FNDC3B: variants seen among roughly 807,000 people sequenced by gnomAD.
FNDC3B encodes the protein fibronectin type III domain-containing protein 3B.
FNDC3B carries 12 observed loss-of-function variants against 151.5 expected under a neutral mutation model. The ratio of observed to expected loss-of-function variants is 0.08; its 90% CI spans 0.05 to 0.13. The LOEUF is 0.13. Ranked by LOEUF, FNDC3B falls within the 10% of genes least tolerant of loss-of-function variation. The pLI is 1.00. For missense variants in FNDC3B, 1,214 were observed against 1,505.3 expected, an observed-to-expected ratio of 0.81 and a Z score of 3.20; for synonymous variants, 528 against 549.0, an observed-to-expected ratio of 0.96 and a Z score of 0.54.
intron 14 of FNDC3B, among the ~76,000 whole-genome samples, chr3:172,334,561 G>C (rs935795709): frequency 2.0e-5 from 3 of 152,120 alleles, no homozygotes; most frequent in South Asian, 2.1e-4. Flanking sequence ...TCCTGCCTCA[G>C]CCTCCCGAGT....
chr3:172,242,330 A>T (rs1727539962), intron 4 of FNDC3B, among the ~76,000 whole-genome samples: 1 of 152,138 alleles, frequency 6.6e-6, no homozygotes, highest in Non-Finnish European at 1.5e-5. Flanking sequence ...GGGACTTTGT[A>T]TGGTGGCTCT....
chr3:172,121,733 G>T (rs1055070811), intron 2 of FNDC3B, among the ~76,000 whole-genome samples: 2 of 152,114 alleles, frequency 1.3e-5, no homozygotes, highest in African/African-American at 4.8e-5. Context: ...ATTTATGTAT[G>T]TATGTATGTA....
rs577736880 is a variant in FNDC3B, at chr3:172,218,750, T to TG, written c.188-8119dup. Among the ~76,000 whole-genome samples the TG allele has an allele frequency of 5.1e-4, 77 of 152,312 alleles. No individual in the cohort carries two copies. In the East Asian group the frequency reaches 9.6e-3, roughly 19 times the overall value. ...GCCCCAAGGTCATGCTAGAATGTGATGGAGTCCAGGTGCAAACTCAAGCCT... is the reference window on the plus strand; with the variant it reads ...GCCCCAAGGTCATGCTAGAATGTGATGGGAGTCCAGGTGCAAACTCAAGCCT... On this transcript the variant is annotated intron_variant, in intron 3 of 25. Transcript: ENST00000415807.
intron 4 of FNDC3B, among the ~76,000 whole-genome samples, chr3:172,239,075 T>G (rs1232099937): frequency 6.6e-6 from 1 of 152,074 alleles, no homozygotes; most frequent in Non-Finnish European, 1.5e-5. Flanking sequence ...TTATTTTGGC[T>G]TGCTTTCTTA....
chr3:172,165,067 G>GCCA (rs1722945268), intron 3 of FNDC3B, among the ~76,000 whole-genome samples: 1 of 152,180 alleles, frequency 6.6e-6, no homozygotes, highest in East Asian at 1.9e-4. Context: ...AGGCTGGAGT[G>GCCA]CAGTGGCACG....
intron 3 of FNDC3B, among the ~76,000 whole-genome samples, chr3:172,185,238 A>G (rs1372557743): frequency 6.6e-6 from 1 of 152,174 alleles, no homozygotes; most frequent in Non-Finnish European, 1.5e-5. Context: ...AAAAAGTTGG[A>G]AAAAGGATTT....
intron 3 of FNDC3B, among the ~76,000 whole-genome samples, chr3:172,191,697 G>A (rs1441389538): frequency 6.6e-6 from 1 of 152,080 alleles, no homozygotes; most frequent in African/African-American, 2.4e-5. Context: ...GGGTCTCACT[G>A]TGTTCCCTGG....
At chr3:172,294,962 G>A (rs1730522617) in intron 7 of FNDC3B, among the ~76,000 whole-genome samples, 1 of 152,198 alleles carries the variant, frequency 6.6e-6, no homozygotes, top group South Asian at 2.1e-4. Flanking sequence ...GGTATTGTTG[G>A]AAAGGTATTA....
At chr3:172,263,188 G>A (rs903008780) in intron 6 of FNDC3B, among the ~76,000 whole-genome samples, 1 of 151,774 alleles carries the variant, frequency 6.6e-6, no homozygotes. Context: ...GAGGAAGTGA[G>A]TGGGAAGAAC....
intron 22 of FNDC3B, among the ~76,000 whole-genome samples, chr3:172,355,474 A>G (rs1175689945): frequency 1.1e-4 from 16 of 152,070 alleles, no homozygotes; most frequent in Admixed American, 1.0e-3. Flanking sequence ...ATAAAATGCA[A>G]ATTATCAGGC....
intron 1 of FNDC3B, among the ~76,000 whole-genome samples, chr3:172,078,518 G>GGGGATCCATAA (rs1718133412): frequency 2.0e-5 from 3 of 152,082 alleles, no homozygotes; most frequent in Non-Finnish European, 4.4e-5. Flanking sequence ...AGAGGAGCCA[G>GGGGATCCATAA]GCCTGTGACT....
intron 2 of FNDC3B, among the ~76,000 whole-genome samples, chr3:172,113,415 A>G (rs769234544): frequency 6.6e-6 from 1 of 152,200 alleles, no homozygotes; most frequent in African/African-American, 2.4e-5. Context: ...CTAATCTATC[A>G]TACAGTATAT....
chr3:172,099,266 C>T (rs1266735882), intron 1 of FNDC3B, among the ~76,000 whole-genome samples: 2 of 152,044 alleles, frequency 1.3e-5, no homozygotes, highest in African/African-American at 4.8e-5. Context: ...TTGAGGTTCT[C>T]ATTTTAAAAG....
intron 7 of FNDC3B, among the ~76,000 whole-genome samples, chr3:172,288,887 G>A (rs75629272): frequency 2.7e-3 from 417 of 152,326 alleles, no homozygotes; most frequent in African/African-American, 9.6e-3. Context: ...GTGTATCCAG[G>A]TTGCCTGGGC....
At chr3:172,067,690 G>GA (rs78739937) in intron 1 of FNDC3B, among the ~76,000 whole-genome samples, 19,974 of 150,944 alleles carry the variant, frequency 0.13, 1,959 homozygotes, top group East Asian at 0.38. Flanking sequence ...CATCACACTT[G>GA]AAAAAAAAAT....
chr3:172,321,800 G>A, intron 11 of FNDC3B: 1 of 173,196 alleles, frequency 5.8e-6, no homozygotes, highest in South Asian at 1.7e-4. Flanking sequence ...CACCATATTG[G>A]CCAGGCTGGT....
intron 1 of FNDC3B, among the ~76,000 whole-genome samples, chr3:172,048,147 T>C (rs986743594): frequency 6.6e-6 from 1 of 152,220 alleles, no homozygotes; most frequent in Admixed American, 6.5e-5. Flanking sequence ...GTCACTCAGA[T>C]GCGAGGTTTT....
intron 3 of FNDC3B, among the ~76,000 whole-genome samples, chr3:172,202,491 C>T (rs926821749): frequency 1.3e-5 from 2 of 152,164 alleles, no homozygotes; most frequent in Non-Finnish European, 2.9e-5. Context: ...CCTCCCGTCC[C>T]CTGTTAGATA....
At chr3:172,233,831 A>G (rs570541128) in intron 4 of FNDC3B, among the ~76,000 whole-genome samples, 2 of 152,342 alleles carry the variant, frequency 1.3e-5, no homozygotes, top group East Asian at 3.9e-4. Flanking sequence ...TGATTTCTCT[A>G]TAGGAAGTTA....
Sources: allele counts gnomAD v4.1 joint callset (sites outside exome capture counted in the v4.1 genomes callset), GRCh38; gene constraint gnomAD v4.1.1; transcripts MANE v1.5; gene names NCBI Gene and HGNC (gene_info 2026-07-23, HGNC 2026-07-21).